Variants in TBX1 observed in about 807,000 individuals in gnomAD.
TBX1 encodes T-box transcription factor TBX1.
In TBX1, 16 loss-of-function variants were observed where a neutral mutation model predicts 40.8. The observed-to-expected ratio is 0.39, with a 90% CI of 0.27 to 0.60. TBX1 has a LOEUF of 0.60. TBX1 is among the 20% of genes least tolerant of loss of function. The pLI is 0.51. For missense variants in TBX1, 755 were observed against 728.5 expected (o/e 1.04, Z -0.42); for synonymous variants, 403 against 336.8 (o/e 1.20, Z -2.15).
At chr22:19,759,112 C>T (rs1056788317), upstream of TBX1, among the ~76,000 whole-genome samples, 1 of 152,180 alleles carries the variant, frequency 6.6e-6, no homozygotes, top group African/African-American at 2.4e-5. Flanking sequence ...CTGGGTGCTG[C>T]TGGCATAGAC....
rs770754649 is a variant in TBX1 at position 19,760,933 on chromosome 22, G to T, written c.90G>T (p.Leu30=). ...AAFTASSLSS[L]GAAGGFPGAA... The stretch of plus-strand genomic sequence containing the variant: ...TCACGGCCAGCAGCCTGAGCAGCCT[G>T]GGGGCCGCGGGGGGCTTCCCGGGCG... Residue 30 remains leucine (L), a synonymous_variant, in exon 1 of 7, where the codon CTG becomes CTT. Coordinates refer to ENST00000649276, the MANE Select transcript of TBX1 (RefSeq NM_001379200.1). The T allele has an allele frequency of 8.9e-4, 901 of 1,014,166 alleles. 3 individuals are homozygous for T. The highest frequency in any genetic ancestry group is 9.8e-4 in the Non-Finnish European group (829 of 845,528). The allele number at this position is 1,014,166 out of a possible 1,614,324, so 62.8% of individuals were successfully genotyped here.
intron 1 of TBX1, among the ~76,000 whole-genome samples, chr22:19,762,508 C>G (rs1383222443): frequency 1.3e-5 from 2 of 152,248 alleles, no homozygotes; most frequent in Non-Finnish European, 2.9e-5. Flanking sequence ...TGCAGAATGT[C>G]CTTTCAAGAG....
intron 2 of TBX1, 77 bp downstream of exon 2, chr22:19,763,419 T>C (rs1336336367): frequency 6.6e-6 from 9 of 1,362,256 alleles, no homozygotes; most frequent in African/African-American, 1.4e-5. Context: ...GTGACCCAAC[T>C]CCAAGGGTCG....
At chr22:19,779,548 A>G (rs1937118266), downstream of TBX1, 3 of 1,503,764 alleles carry the variant, frequency 2.0e-6, no homozygotes, top group South Asian at 3.9e-5. Flanking sequence ...TGTAATAAAT[A>G]CTTCTCCATA....
chr22:19,774,629 T>C (rs1363840247), intron 8 of TBX1, among the ~76,000 whole-genome samples: 1 of 152,096 alleles, frequency 6.6e-6, no homozygotes, highest in East Asian at 1.9e-4. Flanking sequence ...TGGAGTATTA[T>C]CCAGCCTTAA....
chr22:19,763,415 C>A, intron 2 of TBX1, 73 bp downstream of exon 2: 2 of 1,413,326 alleles, frequency 1.4e-6, no homozygotes, highest in Non-Finnish European at 1.0e-6. Flanking sequence ...CCTGGTGACC[C>A]AACTCCAAGG....
At chr22:19,759,022 G>A (rs1936553406), upstream of TBX1, among the ~76,000 whole-genome samples, 1 of 152,200 alleles carries the variant, frequency 6.6e-6, no homozygotes, top group African/African-American at 2.4e-5. Flanking sequence ...GTGGAGGCGG[G>A]AGGGGCCAAG....
chr22:19,783,275 G>A, downstream of TBX1: 1 of 499,884 alleles, frequency 2.0e-6, no homozygotes, highest in Non-Finnish European at 3.7e-6. Flanking sequence ...CCAGGATGAG[G>A]CCAAATGACT....
intron 8 of TBX1, among the ~76,000 whole-genome samples, chr22:19,778,623 C>T (rs560319661): frequency 2.3e-4 from 35 of 151,616 alleles, no homozygotes; most frequent in South Asian, 1.5e-3. Context: ...TCAGTAGAGA[C>T]GGGGCTTCAC....
In TBX1 at chr22:19,767,014, TG is replaced by T. The variant is rs1936885129; in HGVS notation, c.*152del. On this transcript the variant is annotated 3_prime_UTR_variant, in exon 7 of 7. Transcript: ENST00000649276. ...CTCCCCTTCCCCAGCCTCGAAGCCATGGGGGCCCCCTCGCCACCCCCAGCCC... is the reference window on the plus strand; with the variant it reads ...CTCCCCTTCCCCAGCCTCGAAGCCATGGGGCCCCCTCGCCACCCCCAGCCC... 1 of 1,361,532 alleles carries T rather than the reference TG, an allele frequency of 7.3e-7. No homozygotes were observed. The highest frequency in any genetic ancestry group is 9.4e-7 in the Non-Finnish European group (1 of 1,059,342). The allele number at this position is 1,361,532 out of a possible 1,614,324, so 84.3% of individuals were successfully genotyped here. A position where few individuals can be genotyped will look rare whatever the true frequency, so the allele number is the denominator to read the frequency against.
chr22:19,772,658 A>G (rs1315690819), intron 8 of TBX1, among the ~76,000 whole-genome samples: 4 of 151,940 alleles, frequency 2.6e-5, no homozygotes, highest in Non-Finnish European at 4.4e-5. Flanking sequence ...TTCTGAATTC[A>G]TCCTTTATCT....
intron 8 of TBX1, chr22:19,779,087 G>T: frequency 9.4e-7 from 1 of 1,067,286 alleles, no homozygotes; most frequent in Non-Finnish European, 1.4e-6. Flanking sequence ...TCGGCTCGTT[G>T]GGAGATGCAG....
chr22:19,772,088 A>G (rs752832559), downstream of TBX1, among the ~76,000 whole-genome samples: 3 of 152,124 alleles, frequency 2.0e-5, no homozygotes, highest in Admixed American at 6.5e-5. Flanking sequence ...TTCTAGCTTC[A>G]GTTCCTCTCA....
chr22:19,761,015 C>A lies in TBX1; in HGVS notation c.172C>A (p.Arg58Ser). Residue 58 changes from arginine to serine, a missense_variant, in exon 1 of 7, where the codon CGC becomes AGC. Arg to Ser is a moderately radical substitution (Grantham distance 110, BLOSUM62 -1). Transcript: ENST00000649276. ...GCGCGAGCCCCCGCCGCCGCCGCCG[C>A]GCTACGACCCGTGCGCCGCCGCCGC... ...GPREPPPPPPRYDPCAAAAPG... is the reference protein window; with the variant it reads ...GPREPPPPPPSYDPCAAAAPG... The A allele has an allele frequency of 1.1e-6, 1 of 897,094 alleles. No homozygotes were observed. Among genetic ancestry groups the A allele is most frequent in the Non-Finnish European group, 1.3e-6 (1 of 752,522 alleles). The allele number at this position is 897,094 out of a possible 1,614,324, so 55.6% of individuals were successfully genotyped here.
At chr22:19,763,470 G>A (rs536019552) in intron 2 of TBX1, 128 bp downstream of exon 2, 65 of 786,280 alleles carry the variant, frequency 8.3e-5, no homozygotes, top group Admixed American at 1.0e-4. Flanking sequence ...GATGCTGCCC[G>A]ATCAACCCGC....
At chr22:19,768,913 C>T (rs1936937415), downstream of TBX1, among the ~76,000 whole-genome samples, 1 of 150,526 alleles carries the variant, frequency 6.6e-6, no homozygotes, top group Non-Finnish European at 1.5e-5. Context: ...ACCCAGCCGT[C>T]CAGCAGGGCC....
At chr22:19,769,427 C>G (rs990163451), downstream of TBX1, among the ~76,000 whole-genome samples, 5 of 152,242 alleles carry the variant, frequency 3.3e-5, no homozygotes, top group Non-Finnish European at 7.3e-5. Flanking sequence ...CTCCCCTCCA[C>G]CTTTGTAGAT....
chr22:19,770,291 G>T (rs186050446), downstream of TBX1, among the ~76,000 whole-genome samples: 241 of 152,282 alleles, frequency 1.6e-3, 2 homozygotes, highest in Non-Finnish European at 7.4e-4. Context: ...CGGGGGTGGG[G>T]ACCATCCACA....
upstream of TBX1, chr22:19,759,426 C>A (rs1399123493): frequency 3.7e-6 from 5 of 1,342,594 alleles, no homozygotes; most frequent in Non-Finnish European, 4.8e-6. Context: ...GTGGGCTGGG[C>A]TGGGCTGGGC....
Sources: gnomAD v4.1 joint callset for allele counts (sites outside exome capture counted in the v4.1 genomes callset) on GRCh38, gnomAD v4.1.1 for gene constraint, MANE v1.5 for transcripts, NCBI Gene and HGNC (gene_info 2026-07-23, HGNC 2026-07-21) for gene names.